The following PATL2 variants were observed in gnomAD, a reference collection of about 807,000 sequenced individuals.
PATL2 encodes the protein protein PAT1 homolog 2.
In PATL2, 73 loss-of-function variants were observed where a neutral mutation model predicts 77.0. That is an observed-to-expected ratio of 0.95 (90% confidence interval 0.78 to 1.15). PATL2 has a LOEUF of 1.15. PATL2 is among the 50% of genes most tolerant of loss of function. PATL2 has a pLI of 0.00. For missense variants in PATL2, 618 were observed against 655.4 expected (o/e 0.94, Z 0.62); for synonymous variants, 265 against 257.1 (o/e 1.03, Z -0.29).
intron 3 of PATL2, among the ~76,000 whole-genome samples, chr15:44,688,104 G>T (rs1003773790): frequency 6.6e-6 from 1 of 151,984 alleles, no homozygotes; most frequent in African/African-American, 2.4e-5. Context: ...AAATTAGCCA[G>T]GTGTGGTGGC....
intron 16 of PATL2, 147 bp from the exon 17 acceptor site, chr15:44,666,688 C>T (rs544672728): frequency 1.2e-5 from 10 of 800,912 alleles, no homozygotes; most frequent in Admixed American, 9.5e-5. Context: ...ATGTTTGGTA[C>T]GTGCCAAGCA....
intron 15 of PATL2, among the ~76,000 whole-genome samples, chr15:44,667,458 C>T (rs1266352886): frequency 1.3e-5 from 2 of 152,154 alleles, no homozygotes; most frequent in Non-Finnish European, 2.9e-5. Flanking sequence ...AGGCTTAACT[C>T]CTAGGAGTAG....
At chr15:44,695,382 A>C (rs1356863092) in intron 3 of PATL2, among the ~76,000 whole-genome samples, 3 of 152,204 alleles carry the variant, frequency 2.0e-5, no homozygotes, top group African/African-American at 7.2e-5. Flanking sequence ...TCAAGATGGC[A>C]GCTCCATCTT....
chr15:44,683,398 G>A (rs2086179024), intron 3 of PATL2, among the ~76,000 whole-genome samples: 1 of 152,294 alleles, frequency 6.6e-6, no homozygotes, highest in East Asian at 1.9e-4. Context: ...CTTGAGCTTG[G>A]TGGGGGGAGG....
chr15:44,702,277 A>T (rs971173955), intron 3 of PATL2, among the ~76,000 whole-genome samples: 4 of 152,024 alleles, frequency 2.6e-5, no homozygotes, highest in Admixed American at 2.0e-4. Flanking sequence ...ATTGGCATGT[A>T]GTTGCTCATA....
intron 9 of PATL2, among the ~76,000 whole-genome samples, chr15:44,671,358 G>T (rs1042801657): frequency 1.3e-5 from 2 of 152,112 alleles, no homozygotes; most frequent in African/African-American, 4.8e-5. Flanking sequence ...GTATGGTGGT[G>T]CATGCCTGTG....
At chr15:44,680,093 G>A (rs954931809) in intron 3 of PATL2, among the ~76,000 whole-genome samples, 2 of 152,106 alleles carry the variant, frequency 1.3e-5, no homozygotes, top group African/African-American at 4.8e-5. Flanking sequence ...GGTGGGAAAG[G>A]CTCCCCACTC....
chr15:44,682,983 C>A (rs905834768), intron 3 of PATL2, among the ~76,000 whole-genome samples: 4 of 152,162 alleles, frequency 2.6e-5, no homozygotes, highest in Non-Finnish European at 4.4e-5. Flanking sequence ...CCGGGAAGTG[C>A]AAGGGGTTGG....
chr15:44,665,904 G>C lies in PATL2; in HGVS notation c.*49C>G. On this transcript the variant is annotated 3_prime_UTR_variant, in exon 18 of 18. Transcript: ENST00000682850. ...CCTGTAAACATAGTCTATGTAGCTA[G>C]TGTCTGATGATTCAACTTCCCACAT... 1 of 1,550,718 alleles carries C rather than the reference G, an allele frequency of 6.4e-7. No homozygotes were observed. The highest frequency in any genetic ancestry group is 1.2e-5 in the South Asian group (1 of 84,006).
intron 3 of PATL2, among the ~76,000 whole-genome samples, chr15:44,684,145 C>T (rs1429436007): frequency 1.3e-5 from 2 of 151,542 alleles, no homozygotes; most frequent in Non-Finnish European, 2.9e-5. Flanking sequence ...GAGGAAAAAC[C>T]AGCACAAAAA....
chr15:44,685,857 A>T (rs2086241725), intron 3 of PATL2, among the ~76,000 whole-genome samples: 1 of 152,212 alleles, frequency 6.6e-6, no homozygotes. Context: ...AGAAGAGCTA[A>T]CTATCCTAAA....
In PATL2 at chr15:44,675,711, AGAG is replaced by A; in HGVS notation, c.17-23_17-21del. On this transcript the variant is annotated intron_variant, in intron 4 of 17. Coordinates refer to ENST00000682850, the MANE Select transcript of PATL2 (RefSeq NM_001387263.1). ...CTGGCCCTTGGTTTAAGTGTGGGCC[AGAG>A]GAGAAGGTAAGATGGGGCTCAGCTG... 1 of 1,532,816 alleles carries A rather than the reference AGAG, an allele frequency of 6.5e-7. No individual in the cohort carries two copies. The highest frequency in any genetic ancestry group is 8.8e-7 in the Non-Finnish European group (1 of 1,137,818). 95.0% of individuals were successfully genotyped at this position (1,532,816 alleles called of 1,614,324 possible). A position where few individuals can be genotyped will look rare whatever the true frequency, so the allele number is the denominator to read the frequency against.
intron 3 of PATL2, among the ~76,000 whole-genome samples, chr15:44,704,892 G>A (rs192966980): frequency 1.1e-4 from 16 of 152,120 alleles, no homozygotes; most frequent in African/African-American, 3.4e-4. Flanking sequence ...ATATTTCAAG[G>A]ATATTTCCAC....
intron 3 of PATL2, among the ~76,000 whole-genome samples, chr15:44,695,113 G>A (rs151265492): frequency 0.012 from 1,846 of 151,958 alleles, 49 homozygotes; most frequent in East Asian, 0.093. Context: ...ACTTGAACCC[G>A]GGAGGTGGAG....
chr15:44,681,409 C>T (rs2086131861), intron 3 of PATL2, among the ~76,000 whole-genome samples: 1 of 152,192 alleles, frequency 6.6e-6, no homozygotes. Flanking sequence ...ATCACATCCT[C>T]CTTGGATCTC....
rs1018010869 is a variant in PATL2 at position 44,676,613 on chromosome 15, T to C, written c.-75-48A>G. 16 of 1,473,394 alleles carry C rather than the reference T, an allele frequency of 1.1e-5. No individual in the cohort carries two copies. In the Admixed American group the frequency reaches 2.4e-4, roughly 22 times the overall value. 91.3% of individuals were successfully genotyped at this position (1,473,394 alleles called of 1,614,324 possible). A position where few individuals can be genotyped will look rare whatever the true frequency, so the allele number is the denominator to read the frequency against. On this transcript the variant is annotated intron_variant, in intron 3 of 17. Transcript: ENST00000682850. Reference sequence around the variant, plus strand: ...AGGCACCATCCTCAGTCAGTAAGGATGACATGGCACCCTAAAACAGCCATG... The same window carrying C: ...AGGCACCATCCTCAGTCAGTAAGGACGACATGGCACCCTAAAACAGCCATG...
At chr15:44,668,307 G>T (rs2085484077) in intron 15 of PATL2, 35 bp downstream of exon 15, 1 of 1,541,504 alleles carries the variant, frequency 6.5e-7, no homozygotes, top group African/African-American at 1.4e-5. Context: ...CAACCTGAAA[G>T]CCATCTATGG....
chr15:44,707,654 A>T (rs1355424919), intron 3 of PATL2, among the ~76,000 whole-genome samples: 1 of 152,162 alleles, frequency 6.6e-6, no homozygotes, highest in Non-Finnish European at 1.5e-5. Flanking sequence ...AGCAGAGGAA[A>T]GAAGTCTCTC....
chr15:44,676,988 T>A (rs2085991730), intron 3 of PATL2: 1 of 841,672 alleles, frequency 1.2e-6, no homozygotes, highest in South Asian at 5.2e-5. Flanking sequence ...AGGGCTAGCA[T>A]CCTCCATCCA....
Sources: allele counts gnomAD v4.1 joint callset (sites outside exome capture counted in the v4.1 genomes callset), GRCh38; gene constraint gnomAD v4.1.1; transcripts MANE v1.5; gene names NCBI Gene and HGNC (gene_info 2026-07-23, HGNC 2026-07-21).